Variants in KALRN observed in about 807,000 individuals in gnomAD.
KALRN encodes the protein kalirin.
A neutral mutation model predicts 353.7 loss-of-function variants in KALRN; 70 were observed. That is an observed-to-expected ratio of 0.20 (90% CI 0.16 to 0.24). The LOEUF (loss-of-function observed/expected upper bound fraction) is 0.24. Ranked by LOEUF, KALRN falls within the 10% of genes least tolerant of loss-of-function variation. KALRN has a pLI of 1.00. For synonymous variants in KALRN, 1,391 were observed against 1,434.8 expected, an observed-to-expected ratio of 0.97 and a Z score of 0.69; for missense variants, 2,791 against 3,756.7, an observed-to-expected ratio of 0.74 and a Z score of 6.72.
intron 3 of KALRN, among the ~76,000 whole-genome samples, chr3:124,236,500 G>A (rs6791764): frequency 0.047 from 7,104 of 152,202 alleles, 557 homozygotes; most frequent in African/African-American, 0.16. Flanking sequence ...TTTTCATAGG[G>A]AGCTGTGATG....
Position 124,506,415 on chromosome 3 carries a change from G to T in KALRN, c.4935+10002G>T, listed in dbSNP as rs908801228. ...AGTTTGTTTTCAGTCTCTCCCATTTGTAGGAACTTAAAGTTGAGTCTTACA... is the reference window on the plus strand; with the variant it reads ...AGTTTGTTTTCAGTCTCTCCCATTTTTAGGAACTTAAAGTTGAGTCTTACA... On this transcript the variant is annotated intron_variant, in intron 33 of 59. Transcript: ENST00000682506. 1.8e-4 allele frequency among the ~76,000 whole-genome samples: 27 copies of T among 152,170 alleles called. 1 individual carries two copies. Among genetic ancestry groups the T allele is most frequent in the Non-Finnish European group, 1.5e-5 (1 of 68,048 alleles).
intron 5 of KALRN, among the ~76,000 whole-genome samples, chr3:124,289,447 A>T (rs2076234683): frequency 6.6e-6 from 1 of 152,036 alleles, no homozygotes; most frequent in African/African-American, 2.4e-5. Flanking sequence ...AGAATGTGTG[A>T]CCATGACCAA....
chr3:124,254,054 C>A (rs2071553352), intron 3 of KALRN, among the ~76,000 whole-genome samples: 1 of 152,078 alleles, frequency 6.6e-6, no homozygotes, highest in Non-Finnish European at 1.5e-5. Context: ...CAGGGTCAGG[C>A]CATTTCTCTG....
chr3:124,669,996 GTC>G (rs148746135), intron 47 of KALRN, among the ~76,000 whole-genome samples: 7,182 of 144,056 alleles, frequency 0.05, 612 homozygotes, highest in African/African-American at 0.17. Flanking sequence ...TTGAGACAGA[GTC>G]TCGCTCTGTC....
At chr3:124,179,785 C>T (rs890450052) in intron 1 of KALRN, among the ~76,000 whole-genome samples, 3 of 152,168 alleles carry the variant, frequency 2.0e-5, no homozygotes, top group Non-Finnish European at 4.4e-5. Flanking sequence ...TTTACCAAAA[C>T]GTTGTTATGC....
chr3:124,229,110 T>C (rs1041614216), intron 2 of KALRN, among the ~76,000 whole-genome samples: 1 of 152,192 alleles, frequency 6.6e-6, no homozygotes, highest in Non-Finnish European at 1.5e-5. Context: ...GGGCTATTAT[T>C]CAACCTACTA....
At chr3:124,290,455 G>A (rs1020495137) in intron 5 of KALRN, among the ~76,000 whole-genome samples, 17 of 152,150 alleles carry the variant, frequency 1.1e-4, no homozygotes, top group Non-Finnish European at 2.4e-4. Flanking sequence ...TTGGATGGAG[G>A]AAAAACAAAG....
At chr3:124,037,779 A>C (rs1012067087) in intron 1 of KALRN, among the ~76,000 whole-genome samples, 5 of 152,064 alleles carry the variant, frequency 3.3e-5, no homozygotes, top group Non-Finnish European at 7.4e-5. Context: ...GAGGAAAATG[A>C]AGCCCATGAG....
intron 5 of KALRN, among the ~76,000 whole-genome samples, chr3:124,278,109 T>C (rs73858404): frequency 0.017 from 2,558 of 150,472 alleles, 66 homozygotes; most frequent in African/African-American, 0.056. Flanking sequence ...AGGCCTTCTG[T>C]TGGGGCTATG....
intron 34 of KALRN, among the ~76,000 whole-genome samples, chr3:124,618,195 G>A (rs778653595): frequency 1.5e-5 from 2 of 133,436 alleles, no homozygotes; most frequent in Non-Finnish European, 3.1e-5. Context: ...TGCAAGCTCC[G>A]CCTCCCGGGG....
chr3:124,640,692 A>G (rs1312712113), intron 37 of KALRN, among the ~76,000 whole-genome samples: 1 of 152,162 alleles, frequency 6.6e-6, no homozygotes, highest in Non-Finnish European at 1.5e-5. Flanking sequence ...AATTTGAAGG[A>G]AAGTTGAGGA....
intron 24 of KALRN, 36 bp downstream of exon 24, chr3:124,461,992 GA>G: frequency 1.3e-6 from 2 of 1,483,872 alleles, no homozygotes; most frequent in Non-Finnish European, 1.9e-6. Context: ...AGCTATATTG[GA>G]AAAATGACAT....
At chr3:124,181,137 G>T (rs898835480) in intron 1 of KALRN, among the ~76,000 whole-genome samples, 17 of 143,420 alleles carry the variant, frequency 1.2e-4, no homozygotes, top group Admixed American at 7.1e-5. Context: ...TGTAATCCTA[G>T]CTACTCGGGA....
chr3:124,146,047 G>GTTCTGA (rs1560073928), intron 1 of KALRN, among the ~76,000 whole-genome samples: 2 of 152,206 alleles, frequency 1.3e-5, no homozygotes, highest in African/African-American at 4.8e-5. Context: ...GAGGCATCTG[G>GTTCTGA]TTCTGAGCAC....
intron 1 of KALRN, among the ~76,000 whole-genome samples, chr3:124,184,697 CT>C (rs1201168437): frequency 6.6e-6 from 1 of 152,098 alleles, no homozygotes; most frequent in Admixed American, 6.5e-5. Context: ...TATTCCGGTT[CT>C]TTTATTCATT....
At chr3:124,165,633 C>T (rs906805351) in intron 1 of KALRN, among the ~76,000 whole-genome samples, 1 of 152,218 alleles carries the variant, frequency 6.6e-6, no homozygotes, top group Non-Finnish European at 1.5e-5. Context: ...TAGACTTTCT[C>T]GAGCCCCTCC....
intron 1 of KALRN, among the ~76,000 whole-genome samples, chr3:124,205,663 T>C (rs911018161): frequency 6.6e-6 from 1 of 152,074 alleles, no homozygotes; most frequent in African/African-American, 2.4e-5. Context: ...CTACTGGAGG[T>C]TGGAGATGCA....
intron 3 of KALRN, among the ~76,000 whole-genome samples, chr3:124,251,650 C>T (rs1013219531): frequency 3.9e-5 from 6 of 152,144 alleles, no homozygotes; most frequent in African/African-American, 1.2e-4. Context: ...GGATTACAGG[C>T]GTGAGCCACT....
intron 8 of KALRN, 139 bp downstream of exon 8, chr3:124,330,131 T>A: frequency 2.1e-6 from 2 of 935,702 alleles, no homozygotes; most frequent in South Asian, 3.7e-5. Flanking sequence ...TTTGGTGACA[T>A]CTTTAGGAAC....
Sources: allele counts gnomAD v4.1 joint callset (sites outside exome capture counted in the v4.1 genomes callset), GRCh38; gene constraint gnomAD v4.1.1; transcripts MANE v1.5; gene names NCBI Gene and HGNC (gene_info 2026-07-23, HGNC 2026-07-21).